FGF5: variants seen among roughly 807,000 people sequenced by gnomAD.
The protein encoded by FGF5 is fibroblast growth factor 5, also known as heparin-binding growth factor 5.
FGF5 carries 23 observed loss-of-function variants against 21.8 expected under a neutral mutation model. That is an observed-to-expected ratio of 1.05 (90% CI 0.76 to 1.49). The LOEUF (loss-of-function observed/expected upper bound fraction) is 1.49, where lower values mean the gene tolerates loss of function less well. Among genes scored for constraint, FGF5 ranks in the 40% most tolerant of loss-of-function variants. FGF5 has a pLI of 0.00. For missense variants in FGF5, 352 were observed against 332.9 expected, an observed-to-expected ratio of 1.06 and a Z score of -0.45; for synonymous variants, 158 against 124.0, an observed-to-expected ratio of 1.27 and a Z score of -1.82.
At chr4:80,270,825 C>A (rs1488224387) in intron 1 of FGF5, among the ~76,000 whole-genome samples, 1 of 152,088 alleles carries the variant, frequency 6.6e-6, no homozygotes, top group Non-Finnish European at 1.5e-5. Context: ...ATAGAATCGT[C>A]GATGTTACTG....
intron 2 of FGF5, among the ~76,000 whole-genome samples, chr4:80,279,792 C>G (rs1720506205): frequency 1.3e-5 from 2 of 152,084 alleles, no homozygotes; most frequent in Non-Finnish European, 2.9e-5. Context: ...TTTTAAAGAT[C>G]CAGAGAGAAG....
chr4:80,281,282 TG>T (rs1402428207), intron 2 of FGF5, among the ~76,000 whole-genome samples: 2 of 151,980 alleles, frequency 1.3e-5, no homozygotes, highest in Non-Finnish European at 1.5e-5. Context: ...AGGGAAGGGA[TG>T]GGAACCAAGC....
intron 2 of FGF5, among the ~76,000 whole-genome samples, chr4:80,283,433 G>T (rs1720611979): frequency 6.6e-6 from 1 of 152,122 alleles, no homozygotes. Context: ...AACAATTGTA[G>T]GGGGTGGGGC....
Position 80,286,876 on chromosome 4 carries a change from A to C in FGF5, c.*204A>C. On this transcript the variant is annotated 3_prime_UTR_variant, in exon 3 of 3. Transcript: ENST00000312465. ...AATTCTTTGTACTAATACAGGGAGC[A>C]CACTCCTTCAGTTCAGCAAGACATA... 1.9e-6 allele frequency: 1 copy of C among 532,054 alleles called. No individual in the cohort carries two copies. Among genetic ancestry groups the C allele is most frequent in the African/African-American group, 1.9e-5 (1 of 53,256 alleles). The allele number at this position is 532,054 out of a possible 1,614,324, so 33.0% of individuals were successfully genotyped here. A position where few individuals can be genotyped will look rare whatever the true frequency, so the allele number is the denominator to read the frequency against.
intron 2 of FGF5, among the ~76,000 whole-genome samples, chr4:80,277,900 T>C (rs1397379203): frequency 6.6e-6 from 1 of 152,150 alleles, no homozygotes. Flanking sequence ...GTACTAAAAA[T>C]TAGCTACTAG....
At position 80,266,946 on chromosome 4, in the gene FGF5, C is replaced by G. The variant is rs373447055; in HGVS notation, c.122C>G (p.Pro41Arg). The G allele has an allele frequency of 1.7e-5, 27 of 1,614,050 alleles. No homozygotes were observed. Among genetic ancestry groups the G allele is most frequent in the Non-Finnish European group, 2.3e-5 (27 of 1,180,000 alleles). ...GGACCCGCTGCCACTGATAGGAACC[C>G]TAGAGGCTCCAGCAGCAGACAGAGC... Reference protein sequence around the residue: ...QPGPAATDRNPRGSSSRQSSS... With the variant: ...QPGPAATDRNRRGSSSRQSSS... The change falls in exon 1 of 3, where the codon CCT becomes CGT. Residue 41 changes from proline (P) to arginine (R), a missense_variant. Physicochemically the swap from Pro to Arg is moderately radical, Grantham distance 103. Coordinates refer to ENST00000312465, the MANE Select transcript of FGF5 (RefSeq NM_004464.4).
chr4:80,268,906 T>G (rs1443980998), intron 1 of FGF5, among the ~76,000 whole-genome samples: 1 of 152,372 alleles, frequency 6.6e-6, no homozygotes. Flanking sequence ...TGAAATGGAA[T>G]TTTCTGAGAT....
At chr4:80,286,105 A>G (rs1195481668) in intron 2 of FGF5, among the ~76,000 whole-genome samples, 1 of 152,236 alleles carries the variant, frequency 6.6e-6, no homozygotes, top group East Asian at 1.9e-4. Context: ...AGTAGGGAAC[A>G]GAAATGTGTT....
chr4:80,266,791 A>G lies in FGF5; in HGVS notation c.-34A>G, dbSNP rs760306143. ...GGCTACAGAGCCCAGAATCAGCCCT[A>G]CAAGATGCACTTAGGACCCCCGCGG... On this transcript the variant is annotated 5_prime_UTR_variant, in exon 1 of 3. Coordinates refer to ENST00000312465, the MANE Select transcript of FGF5 (RefSeq NM_004464.4). The G allele has an allele frequency of 9.2e-6, 14 of 1,522,950 alleles. No homozygotes were observed. The South Asian group carries it at 1.0e-4, about 11-fold the overall frequency. 94.3% of individuals were successfully genotyped at this position (1,522,950 alleles called of 1,614,324 possible). A position where few individuals can be genotyped will look rare whatever the true frequency, so the allele number is the denominator to read the frequency against.
At chr4:80,272,872 A>C (rs1342664933) in intron 1 of FGF5, among the ~76,000 whole-genome samples, 1 of 152,060 alleles carries the variant, frequency 6.6e-6, no homozygotes, top group Non-Finnish European at 1.5e-5. Context: ...ATTCACAATC[A>C]CATCCCCCAT....
chr4:80,283,196 C>A (rs35265978), intron 2 of FGF5, among the ~76,000 whole-genome samples: 2 of 152,092 alleles, frequency 1.3e-5, no homozygotes, highest in Admixed American at 1.3e-4. Context: ...AGTCTAACTG[C>A]GTTTACTCCC....
At chr4:80,275,845 A>G (rs1720396354) in intron 2 of FGF5, among the ~76,000 whole-genome samples, 2 of 152,060 alleles carry the variant, frequency 1.3e-5, no homozygotes, top group African/African-American at 4.8e-5. Flanking sequence ...ACATTAAAAC[A>G]TTTTGAAAGC....
chr4:80,283,732 A>G (rs991138564), intron 2 of FGF5, among the ~76,000 whole-genome samples: 3 of 152,162 alleles, frequency 2.0e-5, no homozygotes, highest in Admixed American at 2.0e-4. Context: ...ATCAAGGCAT[A>G]ATGTATTACA....
intron 2 of FGF5, among the ~76,000 whole-genome samples, chr4:80,285,844 T>C (rs574883119): frequency 9.2e-5 from 14 of 152,266 alleles, no homozygotes; most frequent in African/African-American, 2.9e-4. Context: ...ACTGATAACA[T>C]TGAAAAAATG....
At chr4:80,285,737 G>A (rs569580010) in intron 2 of FGF5, among the ~76,000 whole-genome samples, 19 of 152,164 alleles carry the variant, frequency 1.2e-4, no homozygotes, top group African/African-American at 4.3e-4. Flanking sequence ...TTCCTGTAAT[G>A]CCTGAGTAAA....
rs1261059122 is a variant in FGF5, at chr4:80,271,469, A to G, written c.356-3440A>G. On this transcript the variant is annotated intron_variant, in intron 1 of 2. Transcript: ENST00000312465. Reference sequence around the variant, plus strand: ...TAAATGGGAACACCTTAAGAAAAATAACACACTGTCTGTAGCACTTTAATG... The same window carrying G: ...TAAATGGGAACACCTTAAGAAAAATGACACACTGTCTGTAGCACTTTAATG... Among the ~76,000 whole-genome samples, 3 of 152,178 alleles carry G rather than the reference A, an allele frequency of 2.0e-5. No individual in the cohort carries two copies. The East Asian group carries it at 5.8e-4, about 29-fold the overall frequency.
chr4:80,288,000 C>A lies in FGF5; in HGVS notation c.*1328C>A, dbSNP rs189915025. On this transcript the variant is annotated 3_prime_UTR_variant, in exon 3 of 3. Coordinates refer to ENST00000312465, the MANE Select transcript of FGF5 (RefSeq NM_004464.4). ...TGGACATAAATCACAGAAAATTTAA[C>A]TTAAGAAAATTTACAAAATTTATTC... is the stretch of plus-strand genomic sequence containing the variant. 2.0e-4 allele frequency: 30 copies of A among 152,126 alleles called. No homozygotes were observed. The East Asian group carries it at 5.8e-3, about 29-fold the overall frequency. 9.4% of individuals were successfully genotyped at this position (152,126 alleles called of 1,614,324 possible).
In FGF5 at chr4:80,290,942, T is replaced by A. The variant is rs938888335; in HGVS notation, c.*4270T>A. The A allele has an allele frequency of 4.6e-5, 7 of 152,240 alleles. No individual in the cohort carries two copies. Among genetic ancestry groups the A allele is most frequent in the African/African-American group, 1.7e-4 (7 of 41,462 alleles). 9.4% of individuals were successfully genotyped at this position (152,240 alleles called of 1,614,324 possible). ...TTTTCTTAATCCAGTCTATCATTGT[T>A]GGACATTTGGGTTGGTTCCAAGTCT... On this transcript the variant is annotated 3_prime_UTR_variant, in exon 3 of 3. Coordinates refer to ENST00000312465, the MANE Select transcript of FGF5 (RefSeq NM_004464.4).
chr4:80,289,214 A>ATCCTGGCCTCTTGATAG lies in FGF5; in HGVS notation c.*2548_*2564dup, dbSNP rs1180156393. The ATCCTGGCCTCTTGATAG allele has an allele frequency of 6.6e-6, 1 of 152,100 alleles. No individual in the cohort carries two copies. Among genetic ancestry groups the ATCCTGGCCTCTTGATAG allele is most frequent in the Non-Finnish European group, 1.5e-5 (1 of 68,032 alleles). The allele number at this position is 152,100 out of a possible 1,614,324, so 9.4% of individuals were successfully genotyped here. A position where few individuals can be genotyped will look rare whatever the true frequency, so the allele number is the denominator to read the frequency against. ...CACCATGTTGGTCAGGATGGTCTCA[A>ATCCTGGCCTCTTGATAG]TCCTGGCCTCTTGATAGTCCTGACC... On this transcript the variant is annotated 3_prime_UTR_variant, in exon 3 of 3. Transcript: ENST00000312465.
Sources: allele counts gnomAD v4.1 joint callset (sites outside exome capture counted in the v4.1 genomes callset), GRCh38; gene constraint gnomAD v4.1.1; transcripts MANE v1.5; gene names NCBI Gene and HGNC (gene_info 2026-07-23, HGNC 2026-07-21).